Variants in PDS5B observed in about 807,000 individuals in gnomAD.
PDS5B encodes PDS5 cohesin associated factor B.
A neutral mutation model predicts 184.1 loss-of-function variants in PDS5B; 51 were observed. The observed-to-expected ratio is 0.28, with a 90% CI of 0.22 to 0.35. The LOEUF (loss-of-function observed/expected upper bound fraction) is 0.35, where lower values mean the gene tolerates loss of function less well. PDS5B is among the 10% of genes least tolerant of loss of function. The pLI is 1.00. For missense variants in PDS5B, 1,180 were observed against 1,723.3 expected, an observed-to-expected ratio of 0.68 and a Z score of 5.58; for synonymous variants, 566 against 569.2, an observed-to-expected ratio of 0.99 and a Z score of 0.08.
chr13:32,760,705 G>C lies in PDS5B; in HGVS notation c.3503G>C (p.Gly1168Ala). Reference protein sequence around the residue: ...ASSSSNPSSPGRIKGRLDSSE... With the variant: ...ASSSSNPSSPARIKGRLDSSE... Reference sequence around the variant, plus strand: ...AGCAGCTCAAATCCAAGCTCTCCTGGAAGAATAAAGGGGAGGTAAGTGCAA... The same window carrying C: ...AGCAGCTCAAATCCAAGCTCTCCTGCAAGAATAAAGGGGAGGTAAGTGCAA... The change falls in exon 30 of 35, where the codon GGA (glycine) becomes GCA (alanine). Residue 1168 changes from glycine to alanine, a missense_variant. By Grantham distance (60) the Gly-to-Ala change is moderately conservative. Transcript: ENST00000315596. 6.2e-7 allele frequency: 1 copy of C among 1,613,694 alleles called. No homozygotes were observed. The highest frequency in any genetic ancestry group is 1.1e-5 in the South Asian group (1 of 90,986).
intron 1 of PDS5B, 105 bp from the exon 2 acceptor site, chr13:32,648,649 G>T: frequency 1.7e-6 from 1 of 591,774 alleles, no homozygotes; most frequent in Non-Finnish European, 3.0e-6. Flanking sequence ...CTATAAATTA[G>T]GAGGTAGTTA....
In PDS5B at chr13:32,729,785, G is replaced by A. The variant is rs184090178; in HGVS notation, c.2124-2316G>A. ...TGTTCATCTTCACCCAGTTTTTGAT[G>A]GAGTTGTTTTTTTCTTGTAAATTCG... is the stretch of plus-strand genomic sequence containing the variant. On this transcript the variant is annotated intron_variant, in intron 19 of 34. Transcript: ENST00000315596. 7.0e-4 allele frequency among the ~76,000 whole-genome samples: 107 copies of A among 152,012 alleles called. No individual in the cohort carries two copies. The Middle Eastern group carries it at 0.017, about 24-fold the overall frequency.
At chr13:32,705,090 A>G (rs1951969514) in intron 17 of PDS5B, among the ~76,000 whole-genome samples, 1 of 152,044 alleles carries the variant, frequency 6.6e-6, no homozygotes, top group African/African-American at 2.4e-5. Context: ...CCCTTTCCTA[A>G]TTACCCTGGC....
chr13:32,673,743 C>T (rs1298109787), intron 8 of PDS5B, among the ~76,000 whole-genome samples: 1 of 152,164 alleles, frequency 6.6e-6, no homozygotes, highest in Non-Finnish European at 1.5e-5. Context: ...GTGTGAAATG[C>T]TTTCCCTTTA....
chr13:32,646,729 T>C (rs1593326988), intron 1 of PDS5B, among the ~76,000 whole-genome samples: 1 of 152,292 alleles, frequency 6.6e-6, no homozygotes, highest in East Asian at 1.9e-4. Flanking sequence ...CCTGATTGTG[T>C]ATATTACATA....
chr13:32,605,806 C>G lies in PDS5B; in HGVS notation c.-20+19213C>G, dbSNP rs181609439. Reference sequence around the variant, plus strand: ...AGTTAGCTCTTCTTGTTGAATCGATCCCTTTACCATTATTTAATGGTCTTC... The same window carrying G: ...AGTTAGCTCTTCTTGTTGAATCGATGCCTTTACCATTATTTAATGGTCTTC... On this transcript the variant is annotated intron_variant, in intron 1 of 34. Transcript: ENST00000315596. Among the ~76,000 whole-genome samples the G allele has an allele frequency of 9.1e-4, 139 of 151,996 alleles. 2 individuals are homozygous for G. In the East Asian group the frequency reaches 0.024, roughly 26 times the overall value.
intron 19 of PDS5B, among the ~76,000 whole-genome samples, chr13:32,731,612 G>T (rs4057297): frequency 0.39 from 58,847 of 151,790 alleles, 11,918 homozygotes; most frequent in Non-Finnish European, 0.45. Context: ...AAATATTGGA[G>T]CCTTTTAATA....
At position 32,661,399 on chromosome 13, in the gene PDS5B, A is replaced by C. The variant is rs573834957; in HGVS notation, c.624+2119A>C. Among the ~76,000 whole-genome samples, 12 of 150,134 alleles carry C rather than the reference A, an allele frequency of 8.0e-5. No homozygotes were observed. In the East Asian group the frequency reaches 1.9e-3, roughly 24 times the overall value. On this transcript the variant is annotated intron_variant, in intron 6 of 34. Coordinates refer to ENST00000315596, the MANE Select transcript of PDS5B (RefSeq NM_015032.4). ...AGACTCTGTCTCAAAAAAAAAAAAA[A>C]AAAAAAAAAAACAGAAAAAGAAAAA...
chr13:32,597,988 T>C (rs1411999857), intron 1 of PDS5B, among the ~76,000 whole-genome samples: 5 of 152,120 alleles, frequency 3.3e-5, no homozygotes, highest in African/African-American at 4.8e-5. Flanking sequence ...GTAAGTAGTA[T>C]GTCAGCAGTG....
At chr13:32,750,742 A>C (rs1350246989) in intron 24 of PDS5B, among the ~76,000 whole-genome samples, 1 of 152,014 alleles carries the variant, frequency 6.6e-6, no homozygotes, top group Admixed American at 6.5e-5. Flanking sequence ...GGGCTTCACC[A>C]TGTTGGCCAG....
Position 32,759,617 on chromosome 13 carries a change from C to T in PDS5B, c.3310-11C>T, listed in dbSNP as rs1394062538. 2.0e-6 allele frequency: 3 copies of T among 1,483,932 alleles called. No homozygotes were observed. Among genetic ancestry groups the T allele is most frequent in the African/African-American group, 2.8e-5 (2 of 72,090 alleles). 91.9% of individuals were successfully genotyped at this position (1,483,932 alleles called of 1,614,324 possible). A position where few individuals can be genotyped will look rare whatever the true frequency, so the allele number is the denominator to read the frequency against. On this transcript the variant is annotated splice_polypyrimidine_tract_variant and intron_variant, in intron 28 of 34. Coordinates refer to ENST00000315596, the MANE Select transcript of PDS5B (RefSeq NM_015032.4). ...ATATTCACTGACTACTTCTTTTTCT[C>T]TTGGTTGTAGAATTTCAGTAACACC...
At chr13:32,716,848 G>T (rs1470424066) in intron 19 of PDS5B, among the ~76,000 whole-genome samples, 6 of 131,112 alleles carry the variant, frequency 4.6e-5, no homozygotes, top group Non-Finnish European at 1.0e-4. Flanking sequence ...AGGTTGGGGG[G>T]TCAGCCCCCC....
At chr13:32,678,964 T>A (rs1271555610) in intron 10 of PDS5B, 35 bp downstream of exon 10, 8 of 1,117,524 alleles carry the variant, frequency 7.2e-6, no homozygotes, top group Non-Finnish European at 9.5e-6. Context: ...TATTCTTACG[T>A]GCTCTTCAGT....
At chr13:32,638,254 C>T (rs748719852) in intron 1 of PDS5B, among the ~76,000 whole-genome samples, 39 of 152,268 alleles carry the variant, frequency 2.6e-4, no homozygotes, top group Middle Eastern at 6.8e-3. Flanking sequence ...AGAGTCATAA[C>T]GCCATCTCAG....
chr13:32,749,396 G>A (rs1443470369), intron 24 of PDS5B, among the ~76,000 whole-genome samples: 6 of 152,122 alleles, frequency 3.9e-5, no homozygotes, highest in Non-Finnish European at 8.8e-5. Flanking sequence ...ATTTCTTGAG[G>A]CTCTTTAAAT....
intron 1 of PDS5B, among the ~76,000 whole-genome samples, chr13:32,647,479 C>T (rs1406953627): frequency 6.6e-6 from 1 of 152,042 alleles, no homozygotes; most frequent in East Asian, 1.9e-4. Context: ...GTATGTTGCC[C>T]AGGCTGTTCT....
chr13:32,743,015 T>G (rs1030227697), intron 23 of PDS5B, among the ~76,000 whole-genome samples: 3 of 151,496 alleles, frequency 2.0e-5, no homozygotes, highest in Non-Finnish European at 4.4e-5. Context: ...AACTGATGTT[T>G]TACATTCTTG....
In PDS5B at chr13:32,701,418, C is replaced by T. The variant is rs1204946751; in HGVS notation, c.1836C>T (p.His612=). ...TCTTGGAGAGGATAGCACCTGTGCA[C>T]ATAGATACCGAATCTATCAGGTATT... ...KFLLERIAPV[H]IDTESISALI... The change falls in exon 17 of 35, where the codon CAC becomes CAT. Residue 612 remains histidine (H), a synonymous_variant. Coordinates refer to ENST00000315596, the MANE Select transcript of PDS5B (RefSeq NM_015032.4). The T allele has an allele frequency of 3.1e-6, 5 of 1,596,454 alleles. No homozygotes were observed. Among genetic ancestry groups the T allele is most frequent in the South Asian group, 2.2e-5 (2 of 90,114 alleles).
chr13:32,615,425 C>T (rs2058203437), intron 1 of PDS5B, among the ~76,000 whole-genome samples: 1 of 150,058 alleles, frequency 6.7e-6, no homozygotes, highest in Non-Finnish European at 1.5e-5. Context: ...TTAGGAAGAT[C>T]CCTGGTATAC....
Sources: gnomAD v4.1 joint callset for allele counts (sites outside exome capture counted in the v4.1 genomes callset) on GRCh38, gnomAD v4.1.1 for gene constraint, MANE v1.5 for transcripts, NCBI Gene and HGNC (gene_info 2026-07-23, HGNC 2026-07-21) for gene names.